Variants in SLC35F3 observed in about 807,000 individuals in gnomAD.
SLC35F3 encodes solute carrier family 35 member F3.
A neutral mutation model predicts 49.9 loss-of-function variants in SLC35F3; 25 were observed. The observed-to-expected ratio is 0.50, with a 90% confidence interval of 0.37 to 0.70. The LOEUF (loss-of-function observed/expected upper bound fraction) is 0.70, where lower values mean the gene tolerates loss of function less well. SLC35F3 is among the 30% of genes least tolerant of loss of function. SLC35F3 has a pLI of 0.00. For missense variants in SLC35F3, 525 were observed against 639.8 expected (o/e 0.82, Z 1.94); for synonymous variants, 275 against 265.4 (o/e 1.04, Z -0.35).
At chr1:234,282,098 CATCAT>C (rs1282186238) in intron 3 of SLC35F3, among the ~76,000 whole-genome samples, 5 of 152,212 alleles carry the variant, frequency 3.3e-5, no homozygotes, top group African/African-American at 1.2e-4. Context: ...CACCCTCCGG[CATCAT>C]TGTGCCCAGA....
intron 3 of SLC35F3, among the ~76,000 whole-genome samples, chr1:234,235,261 G>A (rs557912798): frequency 6.6e-5 from 10 of 152,298 alleles, no homozygotes; most frequent in African/African-American, 2.4e-4. Flanking sequence ...CAATATGATA[G>A]GCAGCCCAAC....
chr1:234,053,020 T>A (rs1192589579), intron 2 of SLC35F3, among the ~76,000 whole-genome samples: 2 of 152,252 alleles, frequency 1.3e-5, no homozygotes, highest in Non-Finnish European at 2.9e-5. Flanking sequence ...TTATAATTTC[T>A]GTTCTTTTAC....
intron 2 of SLC35F3, among the ~76,000 whole-genome samples, chr1:233,910,277 A>T (rs1439905767): frequency 6.6e-6 from 1 of 152,174 alleles, no homozygotes; most frequent in Non-Finnish European, 1.5e-5. Flanking sequence ...GGATGAGGAG[A>T]ATCAAAGACC....
At chr1:234,024,628 G>A (rs1663947777) in intron 2 of SLC35F3, among the ~76,000 whole-genome samples, 1 of 152,120 alleles carries the variant, frequency 6.6e-6, no homozygotes, top group Admixed American at 6.5e-5. Flanking sequence ...AGCTGGGTGT[G>A]CATGTTCATA....
chr1:233,974,471 G>A (rs889582008), intron 2 of SLC35F3, among the ~76,000 whole-genome samples: 5 of 152,044 alleles, frequency 3.3e-5, no homozygotes, highest in Non-Finnish European at 7.4e-5. Context: ...GTGAGCCACC[G>A]TGCCCGGCCT....
chr1:233,963,518 G>A (rs1662841579), intron 2 of SLC35F3, among the ~76,000 whole-genome samples: 2 of 151,968 alleles, frequency 1.3e-5, no homozygotes, highest in African/African-American at 4.8e-5. Context: ...AGCCAGGATG[G>A]TCTCGATCTC....
intron 3 of SLC35F3, among the ~76,000 whole-genome samples, chr1:234,286,914 A>G (rs573168372): frequency 1.3e-5 from 2 of 152,366 alleles, no homozygotes; most frequent in East Asian, 1.9e-4. Context: ...TTATGCCTGT[A>G]ATCCTAGCAT....
At chr1:233,939,121 A>G (rs531961568) in intron 2 of SLC35F3, among the ~76,000 whole-genome samples, 1 of 152,090 alleles carries the variant, frequency 6.6e-6, no homozygotes, top group Non-Finnish European at 1.5e-5. Context: ...ATAAATAAAT[A>G]CCACTTCTTG....
intron 2 of SLC35F3, among the ~76,000 whole-genome samples, chr1:234,094,849 T>A (rs1665094666): frequency 6.6e-6 from 1 of 152,188 alleles, no homozygotes; most frequent in South Asian, 2.1e-4. Context: ...GATCAATGGT[T>A]CAGTCTGCCT....
intron 2 of SLC35F3, among the ~76,000 whole-genome samples, chr1:234,195,908 C>G (rs371222646): frequency 2.8e-4 from 42 of 152,290 alleles, no homozygotes; most frequent in African/African-American, 9.6e-4. Context: ...TTGTCTGCCA[C>G]CATGTAAGAC....
chr1:233,948,236 A>AGGG (rs749594848), intron 2 of SLC35F3, among the ~76,000 whole-genome samples: 1 of 150,526 alleles, frequency 6.6e-6, no homozygotes, highest in African/African-American at 2.4e-5. Flanking sequence ...AGGGAGAGAG[A>AGGG]GAGAGAGAGA....
rs768377961 is a variant in SLC35F3 at position 233,957,802 on chromosome 1, C to T, written c.283+52044C>T. Among the ~76,000 whole-genome samples, 4 of 151,526 alleles carry T rather than the reference C, an allele frequency of 2.6e-5. No individual in the cohort carries two copies. The highest frequency in any genetic ancestry group is 2.1e-4 in the South Asian group (1 of 4,780). On this transcript the variant is annotated intron_variant, in intron 2 of 7. Coordinates refer to ENST00000366618, the MANE Select transcript of SLC35F3 (RefSeq NM_173508.4). The surrounding 1 kb of genome is among the most constrained non-coding windows in gnomAD (Gnocchi z 4.0). ...TGCACTCCACCTAGGGCGACAAAAG[C>T]GAAACTCCATCTCAAAAAAAAAATA...
intron 3 of SLC35F3, chr1:234,274,461 C>T (rs1668164440): frequency 6.6e-6 from 1 of 152,214 alleles, no homozygotes; most frequent in South Asian, 2.1e-4. Flanking sequence ...TACATAGAGA[C>T]ATGCACAACA....
chr1:233,986,885 T>G (rs955253912), intron 2 of SLC35F3, among the ~76,000 whole-genome samples: 2 of 152,234 alleles, frequency 1.3e-5, no homozygotes, highest in Non-Finnish European at 2.9e-5. Flanking sequence ...CCTGGAAATT[T>G]CCTTCAGTTC....
At chr1:234,139,476 T>C (rs10910363) in intron 2 of SLC35F3, among the ~76,000 whole-genome samples, 64,371 of 152,006 alleles carry the variant, frequency 0.42, 15,553 homozygotes, top group Non-Finnish European at 0.55. Context: ...CAATAGTCTA[T>C]GAAAATGTAA....
chr1:233,930,283 T>C (rs1662222402), intron 2 of SLC35F3, among the ~76,000 whole-genome samples: 1 of 152,174 alleles, frequency 6.6e-6, no homozygotes, highest in East Asian at 1.9e-4. Context: ...TAGAGTTATT[T>C]ATTCTACCAC....
chr1:234,252,613 T>C (rs751392747), intron 3 of SLC35F3, among the ~76,000 whole-genome samples: 9 of 152,140 alleles, frequency 5.9e-5, no homozygotes, highest in Non-Finnish European at 1.3e-4. Context: ...CTCAAATACA[T>C]ATGAAAAGAT....
At chr1:234,006,103 A>T (rs1322851200) in intron 2 of SLC35F3, among the ~76,000 whole-genome samples, 2 of 152,178 alleles carry the variant, frequency 1.3e-5, no homozygotes, top group African/African-American at 4.8e-5. Flanking sequence ...TGAATCTGAG[A>T]CATAGGAGAG....
At chr1:233,922,016 C>T (rs1225962311) in intron 2 of SLC35F3, among the ~76,000 whole-genome samples, 1 of 152,158 alleles carries the variant, frequency 6.6e-6, no homozygotes, top group African/African-American at 2.4e-5. Flanking sequence ...TGTATATGTG[C>T]CACGTTTTCT....
Sources: gnomAD v4.1 joint callset for allele counts (sites outside exome capture counted in the v4.1 genomes callset) on GRCh38, gnomAD v4.1.1 for gene constraint, Gnocchi (gnomAD v3.1) non-coding constraint, MANE v1.5 for transcripts, NCBI Gene and HGNC (gene_info 2026-07-23, HGNC 2026-07-21) for gene names.